Variants in KIF13B observed in about 807,000 individuals in gnomAD.
The protein encoded by KIF13B is kinesin-like protein KIF13B.
A neutral mutation model predicts 222.0 loss-of-function variants in KIF13B; 127 were observed. That is an observed-to-expected ratio of 0.57 (90% CI 0.50 to 0.66). The LOEUF (loss-of-function observed/expected upper bound fraction) is 0.66. Ranked by LOEUF, KIF13B falls within the 30% of genes least tolerant of loss-of-function variation. The pLI is 0.00. For missense variants in KIF13B, 2,173 were observed against 2,379.0 expected, an observed-to-expected ratio of 0.91 and a Z score of 1.80; for synonymous variants, 976 against 919.0, an observed-to-expected ratio of 1.06 and a Z score of -1.12.
chr8:29,190,922 C>A, intron 4 of KIF13B, 75 bp downstream of exon 4: 1 of 1,158,368 alleles, frequency 8.6e-7, no homozygotes, highest in Non-Finnish European at 1.3e-6. Context: ...GTTTGCCAAG[C>A]AATCGTGTAA....
intron 2 of KIF13B, among the ~76,000 whole-genome samples, chr8:29,230,877 T>G (rs1042810769): frequency 6.6e-6 from 1 of 151,860 alleles, no homozygotes; most frequent in Non-Finnish European, 1.5e-5. Flanking sequence ...TAATATTTTG[T>G]TTTTTGTTTT....
At chr8:29,171,632 A>T (rs1362511233) in intron 10 of KIF13B, among the ~76,000 whole-genome samples, 3 of 151,398 alleles carry the variant, frequency 2.0e-5, no homozygotes, top group Non-Finnish European at 4.4e-5. Context: ...ACCAATTTGG[A>T]GAGAGCTCTG....
At chr8:29,165,157 C>T (rs542810793) in intron 12 of KIF13B, among the ~76,000 whole-genome samples, 15 of 152,158 alleles carry the variant, frequency 9.9e-5, no homozygotes, top group Non-Finnish European at 1.6e-4. Context: ...CACCACCCTA[C>T]GATTTCATAA....
chr8:29,256,737 C>T (rs542561972), intron 1 of KIF13B, among the ~76,000 whole-genome samples: 1 of 148,646 alleles, frequency 6.7e-6, no homozygotes, highest in Admixed American at 6.7e-5. Context: ...AGAAATGCTA[C>T]AATTACTACT....
chr8:29,235,886 A>T (rs1003654007), intron 2 of KIF13B, among the ~76,000 whole-genome samples: 2 of 152,238 alleles, frequency 1.3e-5, no homozygotes, highest in African/African-American at 4.8e-5. Context: ...GGGTAATGTC[A>T]GAAGAATGAA....
At chr8:29,193,348 G>T (rs1292544249) in intron 3 of KIF13B, among the ~76,000 whole-genome samples, 1 of 151,944 alleles carries the variant, frequency 6.6e-6, no homozygotes, top group Non-Finnish European at 1.5e-5. Context: ...GAGGATGGAA[G>T]ATGGCCCCAA....
chr8:29,212,833 T>C (rs760625846), intron 2 of KIF13B, among the ~76,000 whole-genome samples: 22 of 149,184 alleles, frequency 1.5e-4, no homozygotes, highest in Non-Finnish European at 2.8e-4. Context: ...CTAATGTTCA[T>C]ACTAGATAAC....
chr8:29,166,429 T>C (rs1175060692), intron 11 of KIF13B, among the ~76,000 whole-genome samples: 1 of 152,214 alleles, frequency 6.6e-6, no homozygotes, highest in Non-Finnish European at 1.5e-5. Flanking sequence ...CCGAGCACGG[T>C]GGCTCACGCC....
chr8:29,186,413 G>C lies in KIF13B; in HGVS notation c.376C>G (p.Leu126Val). ...GTTCGTTCAAAGAGTCCACTGCAAA[G>C]TCTTGGGATTAATCCAGGTTGGTCA... ...TADQPGLIPR[L>V]CSGLFERTQK... The change falls in exon 6 of 40, where the codon CTT becomes GTT. Residue 126 changes from leucine to valine, a missense_variant. Physicochemically the swap from Leu to Val is conservative, Grantham distance 32 (BLOSUM62 1). This residue lies in a region of KIF13B where 1,480 missense variants were observed against 1,722.8 expected (regional missense o/e 0.86). Coordinates refer to ENST00000524189, the MANE Select transcript of KIF13B (RefSeq NM_015254.4). 6.2e-7 allele frequency: 1 copy of C among 1,613,904 alleles called. No individual in the cohort carries two copies. The highest frequency in any genetic ancestry group is 8.5e-7 in the Non-Finnish European group (1 of 1,179,840).
rs1195486165 is a variant in KIF13B, at chr8:29,147,417, G to C, written c.1999C>G (p.Arg667Gly). 6.2e-7 allele frequency: 1 copy of C among 1,608,644 alleles called. No homozygotes were observed. Among genetic ancestry groups the C allele is most frequent in the Non-Finnish European group, 8.5e-7 (1 of 1,177,642 alleles). The change falls in exon 17 of 40, where the codon CGC becomes GGC. Residue 667 changes from arginine to glycine, a missense_variant. Arg to Gly is a moderately radical substitution (Grantham distance 125, BLOSUM62 -2). This residue lies in a region of KIF13B where 1,480 missense variants were observed against 1,722.8 expected (regional missense o/e 0.86). Transcript: ENST00000524189. ...CTCTCCTCAGCCCACTGTCTTAAGC[G>C]TTGCTGAGCGCTGGGCGAGTGGAAA... is the stretch of plus-strand genomic sequence containing the variant. ...FSFHSPSAQQ[R>G]LRQWAEEREA...
At chr8:29,092,613 C>G in intron 37 of KIF13B, 132 bp downstream of exon 37, 1 of 864,250 alleles carries the variant, frequency 1.2e-6, no homozygotes, top group Non-Finnish European at 1.7e-6. Flanking sequence ...AAAAGACCGA[C>G]AGCTGTTTCT....
At chr8:29,231,770 A>T (rs1324072454) in intron 2 of KIF13B, among the ~76,000 whole-genome samples, 2 of 152,232 alleles carry the variant, frequency 1.3e-5, no homozygotes, top group Non-Finnish European at 2.9e-5. Context: ...TCTAAAAAAA[A>T]AAGGAAAAAG....
intron 2 of KIF13B, among the ~76,000 whole-genome samples, chr8:29,198,801 A>C (rs994076916): frequency 6.6e-6 from 1 of 152,184 alleles, no homozygotes; most frequent in African/African-American, 2.4e-5. Context: ...CACTATTCTA[A>C]ATGAAGTAAC....
intron 2 of KIF13B, among the ~76,000 whole-genome samples, chr8:29,233,786 CAAGACTAT>C (rs1420246699): frequency 6.6e-6 from 1 of 152,110 alleles, no homozygotes; most frequent in Non-Finnish European, 1.5e-5. Flanking sequence ...CCCAGGAGTT[CAAGACTAT>C]AATGAGCTAT....
chr8:29,102,105 A>G (rs962616422), intron 35 of KIF13B, among the ~76,000 whole-genome samples: 1 of 152,132 alleles, frequency 6.6e-6, no homozygotes, highest in African/African-American at 2.4e-5. Flanking sequence ...GAAAAAAAAA[A>G]AAAGAAAAAT....
chr8:29,220,294 G>A (rs1814684341), intron 2 of KIF13B, among the ~76,000 whole-genome samples: 1 of 152,096 alleles, frequency 6.6e-6, no homozygotes, highest in Non-Finnish European at 1.5e-5. Flanking sequence ...ATTCCCAGTG[G>A]TCACTAGCCT....
At chr8:29,229,083 A>C (rs1373359627) in intron 2 of KIF13B, among the ~76,000 whole-genome samples, 1 of 108,856 alleles carries the variant, frequency 9.2e-6, no homozygotes, top group Admixed American at 1.2e-4. Context: ...CCAGAATGTC[A>C]GCTTTAAAAA....
At chr8:29,106,671 G>C (rs183937824) in intron 35 of KIF13B, among the ~76,000 whole-genome samples, 381 of 142,506 alleles carry the variant, frequency 2.7e-3, no homozygotes, top group South Asian at 6.0e-3. Flanking sequence ...TCTAATTAAT[G>C]CATCAACTTA....
chr8:29,257,019 T>C (rs1586996404), intron 1 of KIF13B, among the ~76,000 whole-genome samples: 1 of 152,156 alleles, frequency 6.6e-6, no homozygotes, highest in African/African-American at 2.4e-5. Context: ...CCTCCCAAAG[T>C]GCTGGGAGTA....
Sources: allele counts gnomAD v4.1 joint callset (sites outside exome capture counted in the v4.1 genomes callset), GRCh38; gene constraint gnomAD v4.1.1; regional missense constraint gnomAD v4.1.1; transcripts MANE v1.5; gene names NCBI Gene and HGNC (gene_info 2026-07-23, HGNC 2026-07-21).